Variants in HIVEP1 observed in about 807,000 individuals in gnomAD.
HIVEP1 encodes HIVEP zinc finger 1.
In HIVEP1, 36 loss-of-function variants were observed where a neutral mutation model predicts 180.0. That is an observed-to-expected ratio of 0.20 (90% CI 0.15 to 0.26). The LOEUF (loss-of-function observed/expected upper bound fraction) is 0.26. HIVEP1 is among the 10% of genes least tolerant of loss of function. The pLI, the probability that HIVEP1 is intolerant of heterozygous loss-of-function variation, is 1.00. For missense variants in HIVEP1, 3,143 were observed against 3,268.7 expected, an observed-to-expected ratio of 0.96 and a Z score of 0.94; for synonymous variants, 1,239 against 1,239.0, an observed-to-expected ratio of 1.00 and a Z score of 0.00.
the HIVEP1 span, among the ~76,000 whole-genome samples, chr6:12,190,325 G>A: frequency 6.6e-6 from 1 of 152,142 alleles, no homozygotes; most frequent in African/African-American, 2.4e-5. Flanking sequence ...GTGGCTTTCC[G>A]TTGAATCCAG....
chr6:12,091,679 CTTATT>C (rs1269207676), intron 3 of HIVEP1, among the ~76,000 whole-genome samples: 1 of 152,086 alleles, frequency 6.6e-6, no homozygotes, highest in Non-Finnish European at 1.5e-5. Flanking sequence ...TGTTAATGTA[CTTATT>C]TTATTCTTTT....
chr6:12,150,672 C>G (rs550236446), intron 7 of HIVEP1, among the ~76,000 whole-genome samples: 1 of 152,174 alleles, frequency 6.6e-6, no homozygotes, highest in East Asian at 1.9e-4. Flanking sequence ...ATACTTAAAG[C>G]AGTGCTAATA....
At chr6:12,064,344 A>G (rs561228543) in intron 2 of HIVEP1, among the ~76,000 whole-genome samples, 9 of 152,282 alleles carry the variant, frequency 5.9e-5, no homozygotes, top group African/African-American at 2.2e-4. Context: ...TTTCTTTCTC[A>G]GCAAATAACC....
chr6:12,027,701 G>A (rs1246007660), intron 2 of HIVEP1, among the ~76,000 whole-genome samples: 1 of 152,206 alleles, frequency 6.6e-6, no homozygotes, highest in Non-Finnish European at 1.5e-5. Flanking sequence ...TACAAGGAAG[G>A]TCTTCCCCTG....
downstream of HIVEP1, among the ~76,000 whole-genome samples, chr6:12,167,993 GTATATATTATATA>G (rs1760776350): frequency 2.0e-5 from 2 of 100,462 alleles, 1 homozygote; most frequent in East Asian, 5.3e-4. Flanking sequence ...ATGTATATAT[GTATATATTATATA>G]TACATGTACA....
At chr6:12,196,338 C>T in the HIVEP1 span, among the ~76,000 whole-genome samples, 1 of 152,098 alleles carries the variant, frequency 6.6e-6, no homozygotes, top group Non-Finnish European at 1.5e-5. Flanking sequence ...ACATTTAATC[C>T]ATGAATTTGT....
In HIVEP1 at chr6:12,123,348, C is replaced by A. The variant is rs987615820; in HGVS notation, c.3553C>A (p.His1185Asn). Reference sequence around the variant, plus strand: ...GATAGGAATCTCCCAAGAGGAAAGTCACCCTTCTCGGGACGGGTCTCATCC... The same window carrying A: ...GATAGGAATCTCCCAAGAGGAAAGTAACCCTTCTCGGGACGGGTCTCATCC... The part of the protein sequence containing the change: ...KVIGISQEES[H>N]PSRDGSHPHQ... Residue 1185 changes from histidine (H) to asparagine (N), a missense_variant, in exon 4 of 9, where the codon CAC becomes AAC. Physicochemically the swap from His to Asn is moderately conservative, Grantham distance 68. This residue lies in a region of HIVEP1 where 1,357 missense variants were observed against 1,260.5 expected (regional missense o/e 1.08). Coordinates refer to ENST00000379388, the MANE Select transcript of HIVEP1 (RefSeq NM_002114.4). The A allele has an allele frequency of 3.7e-6, 6 of 1,614,060 alleles. No individual in the cohort carries two copies. The highest frequency in any genetic ancestry group is 5.1e-6 in the Non-Finnish European group (6 of 1,180,048).
chr6:12,043,833 G>A (rs779311231), intron 2 of HIVEP1, among the ~76,000 whole-genome samples: 10 of 152,170 alleles, frequency 6.6e-5, no homozygotes, highest in Non-Finnish European at 1.2e-4. Flanking sequence ...TCTAGAGACT[G>A]TCTGGGTTTT....
chr6:12,017,125 C>T (rs1581495233), intron 2 of HIVEP1, among the ~76,000 whole-genome samples: 1 of 152,164 alleles, frequency 6.6e-6, no homozygotes, highest in Non-Finnish European at 1.5e-5. Context: ...TCATAACATT[C>T]TAGATAAAAT....
At chr6:12,054,543 T>C (rs1770740169) in intron 2 of HIVEP1, among the ~76,000 whole-genome samples, 1 of 152,246 alleles carries the variant, frequency 6.6e-6, no homozygotes. Context: ...TCATACAGTA[T>C]ATCTTTTGGG....
intron 3 of HIVEP1, among the ~76,000 whole-genome samples, chr6:12,090,735 C>CTTTTTTTTTTT (rs35266647): frequency 2.4e-5 from 2 of 82,470 alleles, no homozygotes; most frequent in Non-Finnish European, 4.5e-5. Context: ...TATAGCCAGC[C>CTTTTTTTTTTT]TTTTTTTTTT....
chr6:12,184,148 T>A, the HIVEP1 span, among the ~76,000 whole-genome samples: 1 of 152,132 alleles, frequency 6.6e-6, no homozygotes, highest in African/African-American at 2.4e-5. Context: ...TGGGGAACAC[T>A]TAGATGTTGG....
chr6:12,191,675 T>C, the HIVEP1 span, among the ~76,000 whole-genome samples: 1 of 152,200 alleles, frequency 6.6e-6, no homozygotes, highest in Non-Finnish European at 1.5e-5. Context: ...CAGAAATCAA[T>C]AGTCAATATC....
At chr6:12,094,977 C>T (rs1200281333) in intron 3 of HIVEP1, among the ~76,000 whole-genome samples, 1 of 151,966 alleles carries the variant, frequency 6.6e-6, no homozygotes, top group African/African-American at 2.4e-5. Context: ...TCTATTTTCT[C>T]TTCAGTTTTA....
At chr6:12,209,249 C>T in the HIVEP1 span, among the ~76,000 whole-genome samples, 76 of 152,244 alleles carry the variant, frequency 5.0e-4, 2 homozygotes, top group East Asian at 3.9e-3. Flanking sequence ...CTGGCTAACA[C>T]GGTGAAACCC....
the HIVEP1 span, among the ~76,000 whole-genome samples, chr6:12,206,847 C>G: frequency 2.6e-5 from 4 of 151,760 alleles, no homozygotes; most frequent in African/African-American, 9.7e-5. Context: ...TCTATGTTGT[C>G]CAAACCCTTT....
In HIVEP1 at chr6:12,119,970, C is replaced by A; in HGVS notation, c.175C>A (p.Leu59Met). ...CAAAAAGATCGTAGCTGAGAATCAC[C>A]TGAAAAAAATACCAAAATCCCCACT... The part of the protein sequence containing the change: ...KRKKIVAENH[L>M]KKIPKSPLRN... The change falls in exon 4 of 9, where the codon CTG (leucine) becomes ATG (methionine). Residue 59 changes from leucine (L) to methionine (M), a missense_variant. Physicochemically the swap from Leu to Met is conservative, Grantham distance 15. This residue lies in a region of HIVEP1 where 114 missense variants were observed against 134.5 expected (regional missense o/e 0.85). Transcript: ENST00000379388. The A allele has an allele frequency of 6.2e-7, 1 of 1,611,248 alleles. No individual in the cohort carries two copies. Among genetic ancestry groups the A allele is most frequent in the Non-Finnish European group, 8.5e-7 (1 of 1,179,322 alleles).
intron 3 of HIVEP1, among the ~76,000 whole-genome samples, chr6:12,098,743 T>A (rs1773917964): frequency 6.6e-6 from 1 of 152,056 alleles, no homozygotes; most frequent in East Asian, 1.9e-4. Context: ...TGAAGACAGA[T>A]AAAGAACTGG....
At chr6:12,167,635 A>ATTACATGTATATATACATGT (rs1562023559), downstream of HIVEP1, among the ~76,000 whole-genome samples, 1 of 102,392 alleles carries the variant, frequency 9.8e-6, no homozygotes, top group African/African-American at 5.2e-5. Flanking sequence ...TACATGTTAT[A>ATTACATGTATATATACATGT]TATACATATA....
Sources: allele counts gnomAD v4.1 joint callset (sites outside exome capture counted in the v4.1 genomes callset), GRCh38; gene constraint gnomAD v4.1.1; regional missense constraint gnomAD v4.1.1; transcripts MANE v1.5; gene names NCBI Gene and HGNC (gene_info 2026-07-23, HGNC 2026-07-21).